Variants in SF3A3 observed in about 807,000 individuals in gnomAD.
SF3A3 encodes the protein SAP 61.
A neutral mutation model predicts 85.8 loss-of-function variants in SF3A3; 9 were observed. The ratio of observed to expected loss-of-function variants is 0.10; its 90% CI spans 0.06 to 0.18. The LOEUF (loss-of-function observed/expected upper bound fraction) is 0.18. Among genes scored for constraint, SF3A3 ranks in the 10% least tolerant of loss-of-function variants. The pLI is 1.00. For missense variants in SF3A3, 306 were observed against 593.3 expected (o/e 0.52, Z 5.03); for synonymous variants, 195 against 204.4 (o/e 0.95, Z 0.39).
intron 6 of SF3A3, 102 bp from the exon 7 acceptor site, chr1:37,981,913 T>A: frequency 1.4e-6 from 1 of 719,962 alleles, no homozygotes; most frequent in Non-Finnish European, 2.3e-6. Context: ...GAGTGTTTTC[T>A]AAAGAAGTAA....
At chr1:37,981,886 T>C in intron 6 of SF3A3, 75 bp from the exon 7 acceptor site, 2 of 861,288 alleles carry the variant, frequency 2.3e-6, no homozygotes. Flanking sequence ...TAATCTCCAA[T>C]AAGTGAGATC....
Position 37,968,071 on chromosome 1 carries a change from C to T in SF3A3, c.1345G>A (p.Val449Met). 6.2e-7 allele frequency: 1 copy of T among 1,612,746 alleles called. No individual in the cohort carries two copies. Among genetic ancestry groups the T allele is most frequent in the Non-Finnish European group, 8.5e-7 (1 of 1,178,808 alleles). The part of the protein sequence containing the change: ...GIPNTAHFAN[V>M]TQIEDAVSLW... ...GAGACAGCATCTTCAATCTGTGTCA[C>T]ATTAGCAAAGTGAGCAGTGTTTGGG... The change falls in exon 15 of 17, where the codon GTG becomes ATG. Residue 449 changes from valine (V) to methionine (M), a missense_variant. Physicochemically the swap from Val to Met is conservative, Grantham distance 21. Around this residue, in one of 4 missense-constraint regions of SF3A3, gnomAD observed 18 missense variants for 77.4 expected, o/e 0.23. Coordinates refer to ENST00000373019, the MANE Select transcript of SF3A3 (RefSeq NM_006802.4).
chr1:37,963,088 A>G (rs1646273388), intron 15 of SF3A3, among the ~76,000 whole-genome samples: 1 of 120,156 alleles, frequency 8.3e-6, no homozygotes, highest in Non-Finnish European at 1.8e-5. Flanking sequence ...ACTCCGTCTC[A>G]AAAAAAAAAA....
At chr1:37,978,424 A>T (rs1049525699) in intron 11 of SF3A3, among the ~76,000 whole-genome samples, 1 of 151,680 alleles carries the variant, frequency 6.6e-6, no homozygotes, top group African/African-American at 2.4e-5. Flanking sequence ...TAAGCTTAGA[A>T]AAATAGGTTT....
intron 2 of SF3A3, 87 bp from the exon 3 acceptor site, chr1:37,987,923 C>T (rs1646467345): frequency 9.6e-7 from 1 of 1,037,422 alleles, no homozygotes; most frequent in African/African-American, 1.6e-5. Context: ...CAGTCAAAGC[C>T]CAGGGCAACC....
rs754088182 is a variant in SF3A3, at chr1:37,989,533, C to T, written c.144+15G>A. On this transcript the variant is annotated intron_variant, in intron 2 of 16. Coordinates refer to ENST00000373019, the MANE Select transcript of SF3A3 (RefSeq NM_006802.4). ...CCTCGCCAACCCAAAGAGAGGCAGA[C>T]AGCTGGGCACTCACATCTTGCATGG... is the stretch of plus-strand genomic sequence containing the variant. 7 of 1,612,556 alleles carry T rather than the reference C, an allele frequency of 4.3e-6. No homozygotes were observed. The highest frequency in any genetic ancestry group is 5.9e-6 in the Non-Finnish European group (7 of 1,179,554).
chr1:37,985,157 C>T (rs1444827828), intron 4 of SF3A3, among the ~76,000 whole-genome samples: 1 of 152,194 alleles, frequency 6.6e-6, no homozygotes, highest in African/African-American at 2.4e-5. Flanking sequence ...AAATGAAATA[C>T]ACAGAAAGTT....
intron 12 of SF3A3, among the ~76,000 whole-genome samples, chr1:37,973,915 G>C (rs946272450): frequency 5.9e-5 from 9 of 152,196 alleles, no homozygotes; most frequent in African/African-American, 2.2e-4. Context: ...AAAAGGATGA[G>C]TTCGTGTCCT....
chr1:37,967,232 T>G (rs201574457), intron 15 of SF3A3, among the ~76,000 whole-genome samples: 1 of 137,662 alleles, frequency 7.3e-6, no homozygotes, highest in Non-Finnish European at 1.6e-5. Context: ...TCCAGCCTGG[T>G]GACAGAGTGA....
intron 6 of SF3A3, 55 bp from the exon 7 acceptor site, chr1:37,981,866 A>T: frequency 5.1e-6 from 5 of 977,632 alleles, no homozygotes; most frequent in Non-Finnish European, 8.0e-6. Context: ...TACTGTAACA[A>T]GTTACAATAT....
intron 4 of SF3A3, among the ~76,000 whole-genome samples, chr1:37,986,627 T>C (rs1362973691): frequency 6.6e-6 from 1 of 151,858 alleles, no homozygotes; most frequent in African/African-American, 2.4e-5. Context: ...CTGGCTAACA[T>C]GGTGAAACCC....
chr1:37,980,708 G>A lies in SF3A3; in HGVS notation c.568C>T (p.Leu190Phe), dbSNP rs1204856929. The change falls in exon 8 of 17, where the codon CTT (leucine) becomes TTT (phenylalanine). Residue 190 changes from leucine (L) to phenylalanine (F), a missense_variant. Around this residue, in one of 4 missense-constraint regions of SF3A3, gnomAD observed 136 missense variants for 296.6 expected, o/e 0.46. Transcript: ENST00000373019. ...TCTGTGTAATCCTGAAGGTACTCAA[G>A]CAGCATCTCTAGGTATCTACAGAGG... ...AEYKRYLEML[L>F]EYLQDYTDRV... 1.2e-6 allele frequency: 2 copies of A among 1,613,552 alleles called. No homozygotes were observed. Among genetic ancestry groups the A allele is most frequent in the East Asian group, 2.2e-5 (1 of 44,854 alleles).
chr1:37,964,283 T>A (rs777565790), intron 15 of SF3A3, among the ~76,000 whole-genome samples: 1 of 152,058 alleles, frequency 6.6e-6, no homozygotes, highest in Admixed American at 6.6e-5. Context: ...GTGATAAGTG[T>A]GATTTCAAAG....
intron 15 of SF3A3, among the ~76,000 whole-genome samples, chr1:37,964,047 C>T (rs1023261782): frequency 9.9e-5 from 15 of 151,682 alleles, no homozygotes; most frequent in Non-Finnish European, 1.9e-4. Context: ...GGTGTGGTGG[C>T]GCACGCCTGT....
chr1:37,980,360 G>A (rs1403321676), intron 8 of SF3A3, among the ~76,000 whole-genome samples: 4 of 151,806 alleles, frequency 2.6e-5, no homozygotes, highest in Non-Finnish European at 5.9e-5. Context: ...GGAAGCGGAG[G>A]TTGAGGTGAG....
intron 15 of SF3A3, 59 bp from the exon 16 acceptor site, chr1:37,960,234 T>G (rs936594963): frequency 2.0e-6 from 3 of 1,478,000 alleles, no homozygotes; most frequent in Admixed American, 3.4e-5. Flanking sequence ...GGGTATCCAG[T>G]GTTATAATCC....
At chr1:37,982,198 C>CG (rs1182679225) in intron 6 of SF3A3, among the ~76,000 whole-genome samples, 1 of 152,012 alleles carries the variant, frequency 6.6e-6, no homozygotes, top group Non-Finnish European at 1.5e-5. Flanking sequence ...GTACCAAGTA[C>CG]GGGGTACAGA....
At chr1:37,967,920 C>A in intron 15 of SF3A3, 124 bp downstream of exon 15, 3 of 684,264 alleles carry the variant, frequency 4.4e-6, no homozygotes, top group South Asian at 3.4e-5. Context: ...ATACAACTGT[C>A]CTAGATTTTA....
At chr1:37,984,805 T>C in intron 4 of SF3A3, 26 bp from the exon 5 acceptor site, 2 of 1,595,556 alleles carry the variant, frequency 1.3e-6, no homozygotes, top group African/African-American at 1.3e-5. Context: ...AAAGCTCAGG[T>C]GGATTTTTCT....
Sources: allele counts gnomAD v4.1 joint callset (sites outside exome capture counted in the v4.1 genomes callset), GRCh38; gene constraint gnomAD v4.1.1; regional missense constraint gnomAD v4.1.1; transcripts MANE v1.5; gene names NCBI Gene and HGNC (gene_info 2026-07-23, HGNC 2026-07-21).